SEC24B: variants seen among roughly 807,000 people sequenced by gnomAD.
SEC24B encodes protein transport protein Sec24B.
Under a neutral mutation model 142.8 loss-of-function variants are expected in SEC24B, and 45 were observed. The observed-to-expected ratio is 0.32, with a 90% CI of 0.25 to 0.40. The LOEUF is 0.40. SEC24B is among the 10% of genes least tolerant of loss of function. The pLI, the probability that SEC24B is intolerant of heterozygous loss-of-function variation, is 1.00. For synonymous variants in SEC24B, 574 were observed against 568.2 expected (o/e 1.01, Z -0.15); for missense variants, 1,409 against 1,526.8 (o/e 0.92, Z 1.29).
chr4:109,527,099 A>G (rs1724319639), intron 17 of SEC24B, among the ~76,000 whole-genome samples: 1 of 151,888 alleles, frequency 6.6e-6, no homozygotes, highest in Non-Finnish European at 1.5e-5. Flanking sequence ...GGCACCTGTA[A>G]TCCCAGCTAC....
chr4:109,490,283 A>G (rs1578881741), intron 4 of SEC24B, among the ~76,000 whole-genome samples: 2 of 150,946 alleles, frequency 1.3e-5, no homozygotes, highest in South Asian at 4.2e-4. Context: ...CACAAAAAAC[A>G]TCAGCTATTA....
At chr4:109,487,498 A>G (rs545786500) in intron 4 of SEC24B, among the ~76,000 whole-genome samples, 1 of 152,334 alleles carries the variant, frequency 6.6e-6, no homozygotes, top group African/African-American at 2.4e-5. Flanking sequence ...GTTTTATGAC[A>G]GTGTGAAGGC....
Position 109,478,589 on chromosome 4 carries a change from A to G in SEC24B, c.1061-3088A>G, listed in dbSNP as rs1367331126. 2.0e-5 allele frequency among the ~76,000 whole-genome samples: 3 copies of G among 152,340 alleles called. No homozygotes were observed. The East Asian group carries it at 5.8e-4, about 29-fold the overall frequency. On this transcript the variant is annotated intron_variant, in intron 3 of 23. Transcript: ENST00000265175. ...AAGAACAGAGGTTAGTAACTTGCTC[A>G]AGGACATACCAGTAGTTAAGTGATA...
At chr4:109,494,487 A>G in intron 5 of SEC24B, 128 bp from the exon 6 acceptor site, 1 of 1,218,308 alleles carries the variant, frequency 8.2e-7, no homozygotes, top group East Asian at 2.4e-5. Context: ...TGTGTGTCCA[A>G]AATTTCTTAG....
chr4:109,445,791 C>T (rs781425092), intron 1 of SEC24B, among the ~76,000 whole-genome samples: 14 of 150,274 alleles, frequency 9.3e-5, no homozygotes, highest in Admixed American at 6.6e-5. Flanking sequence ...GGGCTGGTCT[C>T]AAACTCCTGG....
intron 1 of SEC24B, among the ~76,000 whole-genome samples, chr4:109,456,613 CA>C (rs1730720738): frequency 6.6e-6 from 1 of 151,896 alleles, no homozygotes; most frequent in Non-Finnish European, 1.5e-5. Context: ...GAATGGATGC[CA>C]AGTTTTATCT....
intron 1 of SEC24B, among the ~76,000 whole-genome samples, chr4:109,456,410 G>A (rs1049088589): frequency 2.1e-5 from 3 of 143,408 alleles, no homozygotes; most frequent in South Asian, 4.3e-4. Flanking sequence ...TGAAGGGGCT[G>A]TTACATCTTG....
chr4:109,464,026 G>C (rs1218669210), intron 2 of SEC24B, among the ~76,000 whole-genome samples: 1 of 152,192 alleles, frequency 6.6e-6, no homozygotes. Context: ...TTTTTAGCCA[G>C]AGCCCCACTT....
chr4:109,491,625 TTTATC>T (rs1735029769), intron 5 of SEC24B, among the ~76,000 whole-genome samples: 1 of 152,236 alleles, frequency 6.6e-6, no homozygotes, highest in Non-Finnish European at 1.5e-5. Context: ...TATAATACTC[TTTATC>T]TTTTTCTAAA....
At chr4:109,509,381 A>G (rs921936344) in intron 7 of SEC24B, among the ~76,000 whole-genome samples, 2 of 152,174 alleles carry the variant, frequency 1.3e-5, no homozygotes, top group African/African-American at 2.4e-5. Flanking sequence ...TTAAAACTTC[A>G]TAAGTTATTT....
chr4:109,517,113 C>T (rs1472255952), intron 11 of SEC24B, among the ~76,000 whole-genome samples: 5 of 152,170 alleles, frequency 3.3e-5, no homozygotes, highest in Admixed American at 3.3e-4. Flanking sequence ...AATCCCACTA[C>T]TTGGAATATA....
At chr4:109,497,294 T>C (rs1735634816) in intron 6 of SEC24B, among the ~76,000 whole-genome samples, 1 of 152,258 alleles carries the variant, frequency 6.6e-6, no homozygotes. Flanking sequence ...TTTGGGAGGT[T>C]ATTTTAGAAA....
rs772745986 is a variant in SEC24B at position 109,463,474 on chromosome 4, A to G, written c.707A>G (p.His236Arg). The G allele has an allele frequency of 1.9e-6, 3 of 1,614,212 alleles. No homozygotes were observed. The highest frequency in any genetic ancestry group is 2.5e-6 in the Non-Finnish European group (3 of 1,180,040). Residue 236 changes from histidine (H) to arginine (R), a missense_variant, in exon 2 of 24, where the codon CAT becomes CGT. By Grantham distance (29) the His-to-Arg change is conservative. Transcript: ENST00000265175. Reference protein sequence around the residue: ...SFSGQNTAISHPSPLPPLPSQ... With the variant: ...SFSGQNTAISRPSPLPPLPSQ... ...TCTGGTCAAAATACAGCTATCAGCC[A>G]TCCATCGCCACTTCCACCTCTACCA... is the stretch of plus-strand genomic sequence containing the variant.
At chr4:109,466,601 A>G (rs77573441) in intron 2 of SEC24B, among the ~76,000 whole-genome samples, 13,456 of 152,158 alleles carry the variant, frequency 0.088, 689 homozygotes, top group Middle Eastern at 0.17. Context: ...TAGTAGAGAC[A>G]GGGTTTCACC....
intron 20 of SEC24B, among the ~76,000 whole-genome samples, chr4:109,532,252 T>C (rs1488169750): frequency 6.6e-6 from 1 of 152,214 alleles, no homozygotes; most frequent in Non-Finnish European, 1.5e-5. Flanking sequence ...AAATATGTAG[T>C]GTCTTTTATC....
At chr4:109,525,057 A>G (rs1214420291) in intron 15 of SEC24B, 116 bp downstream of exon 15, 13 of 923,544 alleles carry the variant, frequency 1.4e-5, no homozygotes, top group Admixed American at 5.8e-5. Flanking sequence ...TGTGCATTAG[A>G]TAGACAATAT....
intron 5 of SEC24B, among the ~76,000 whole-genome samples, chr4:109,493,170 G>A (rs1561131771): frequency 6.6e-6 from 1 of 152,012 alleles, no homozygotes; most frequent in Non-Finnish European, 1.5e-5. Flanking sequence ...AGTCTGGGAG[G>A]TTACCAGAAA....
intron 1 of SEC24B, among the ~76,000 whole-genome samples, chr4:109,456,077 A>T (rs989273892): frequency 2.0e-4 from 30 of 152,148 alleles, no homozygotes; most frequent in African/African-American, 7.0e-4. Flanking sequence ...AGTTTTCTTT[A>T]TATAGGTTCT....
At chr4:109,482,522 A>G (rs1326497690) in intron 4 of SEC24B, among the ~76,000 whole-genome samples, 2 of 152,222 alleles carry the variant, frequency 1.3e-5, no homozygotes, top group African/African-American at 4.8e-5. Flanking sequence ...CTGCATATAC[A>G]TAGTGAGATA....
Sources: gnomAD v4.1 joint callset for allele counts (sites outside exome capture counted in the v4.1 genomes callset) on GRCh38, gnomAD v4.1.1 for gene constraint, MANE v1.5 for transcripts, NCBI Gene and HGNC (gene_info 2026-07-23, HGNC 2026-07-21) for gene names.